PCTP: variants seen among roughly 807,000 people sequenced by gnomAD.
PCTP encodes the protein START domain-containing protein 2.
A neutral mutation model predicts 31.0 loss-of-function variants in PCTP; 27 were observed. The observed-to-expected ratio is 0.87, with a 90% CI of 0.64 to 1.20. The LOEUF (loss-of-function observed/expected upper bound fraction) is 1.20. Ranked by LOEUF, PCTP falls within the 50% of genes most tolerant of loss-of-function variation. PCTP has a pLI of 0.00. For missense variants in PCTP, 287 were observed against 268.2 expected, an observed-to-expected ratio of 1.07 and a Z score of -0.49; for synonymous variants, 108 against 101.2, an observed-to-expected ratio of 1.07 and a Z score of -0.40.
chr17:55,850,358 T>C, the PCTP span, among the ~76,000 whole-genome samples: 3 of 152,240 alleles, frequency 2.0e-5, no homozygotes, highest in Non-Finnish European at 4.4e-5. Context: ...CTTATTAAAC[T>C]GCTTTTTGTA....
chr17:55,803,485 C>G (rs1436153332), intron 3 of PCTP, among the ~76,000 whole-genome samples: 1 of 152,164 alleles, frequency 6.6e-6, no homozygotes, highest in Non-Finnish European at 1.5e-5. Flanking sequence ...GTAACCAAAA[C>G]AGCATGGTCC....
intron 3 of PCTP, among the ~76,000 whole-genome samples, chr17:55,811,931 T>C (rs974905767): frequency 7.9e-5 from 12 of 152,216 alleles, no homozygotes; most frequent in African/African-American, 2.9e-4. Flanking sequence ...GACCCAAACC[T>C]GAGTCCTGAT....
chr17:55,797,554 C>T (rs775715831), intron 3 of PCTP, among the ~76,000 whole-genome samples: 12 of 151,950 alleles, frequency 7.9e-5, no homozygotes, highest in Non-Finnish European at 1.5e-4. Context: ...TTTTAGGAGG[C>T]ACTTACTCAT....
At chr17:55,836,102 C>T (rs892849550) in intron 5 of PCTP, among the ~76,000 whole-genome samples, 11 of 152,184 alleles carry the variant, frequency 7.2e-5, no homozygotes, top group African/African-American at 2.4e-4. Flanking sequence ...TATAACATGA[C>T]CCAACCTTGT....
At chr17:55,804,863 A>C (rs890584037) in intron 3 of PCTP, among the ~76,000 whole-genome samples, 1 of 152,074 alleles carries the variant, frequency 6.6e-6, no homozygotes, top group Admixed American at 6.6e-5. Flanking sequence ...AAATTTAATA[A>C]AAAAAATTGA....
chr17:55,768,761 T>G (rs1212300509), intron 2 of PCTP: 1 of 152,100 alleles, frequency 6.6e-6, no homozygotes, highest in African/African-American at 2.4e-5. Flanking sequence ...AGGCTATCGG[T>G]CTTAGATTTT....
At chr17:55,768,108 T>A (rs1017064381) in intron 2 of PCTP, among the ~76,000 whole-genome samples, 1 of 151,276 alleles carries the variant, frequency 6.6e-6, no homozygotes, top group Non-Finnish European at 1.5e-5. Flanking sequence ...AAGTCTAATC[T>A]ATTTTTATTT....
intron 1 of PCTP, among the ~76,000 whole-genome samples, chr17:55,756,161 A>G (rs1324233341): frequency 6.6e-6 from 1 of 152,210 alleles, no homozygotes; most frequent in Admixed American, 6.5e-5. Flanking sequence ...TACTGTCTTC[A>G]TAGACCCTGG....
At chr17:55,819,010 C>CAGAAAAAAAAAAAAAAAAA (rs1913022511) in intron 3 of PCTP, among the ~76,000 whole-genome samples, 1 of 51,110 alleles carries the variant, frequency 2.0e-5, no homozygotes, top group African/African-American at 6.6e-5. Flanking sequence ...GGAAAGAAAT[C>CAGAAAAAAAAAAAAAAAAA]AAAAAAAAAA....
intron 3 of PCTP, among the ~76,000 whole-genome samples, chr17:55,813,919 G>C (rs1005917810): frequency 6.6e-6 from 1 of 152,110 alleles, no homozygotes; most frequent in African/African-American, 2.4e-5. Flanking sequence ...GCACATGCCT[G>C]TGGTTCCAGC....
intron 1 of PCTP, among the ~76,000 whole-genome samples, chr17:55,752,526 A>G (rs1909770317): frequency 6.6e-6 from 1 of 152,234 alleles, no homozygotes; most frequent in East Asian, 1.9e-4. Flanking sequence ...AATGGAGAAT[A>G]TAGGTATTAT....
intron 1 of PCTP, among the ~76,000 whole-genome samples, chr17:55,757,152 C>T (rs1910072171): frequency 6.6e-6 from 1 of 151,420 alleles, no homozygotes; most frequent in African/African-American, 2.4e-5. Flanking sequence ...TGTACACACA[C>T]AAAAGCATGC....
chr17:55,833,809 T>C (rs1372436314), intron 5 of PCTP, among the ~76,000 whole-genome samples: 2 of 152,170 alleles, frequency 1.3e-5, no homozygotes, highest in African/African-American at 4.8e-5. Flanking sequence ...GCCTCCTGCC[T>C]TTTTTTGCCG....
intron 5 of PCTP, among the ~76,000 whole-genome samples, chr17:55,831,231 C>T (rs1905585891): frequency 1.3e-5 from 2 of 152,222 alleles, no homozygotes; most frequent in South Asian, 2.1e-4. Context: ...GTCTCAGCTG[C>T]TCTCCTAACT....
chr17:55,822,653 C>T (rs1243433762), intron 3 of PCTP: 2 of 454,550 alleles, frequency 4.4e-6, no homozygotes, highest in Non-Finnish European at 7.2e-6. Context: ...AGAATTGCAT[C>T]CTTCCATGAC....
chr17:55,820,032 A>C (rs1281952326), intron 3 of PCTP, among the ~76,000 whole-genome samples: 1 of 152,238 alleles, frequency 6.6e-6, no homozygotes, highest in African/African-American at 2.4e-5. Context: ...AATAGATCAA[A>C]GACCTTAAAT....
At chr17:55,794,777 C>T (rs1259542201) in intron 3 of PCTP, among the ~76,000 whole-genome samples, 1 of 152,016 alleles carries the variant, frequency 6.6e-6, no homozygotes, top group Non-Finnish European at 1.5e-5. Context: ...CAAATTCCAG[C>T]TCCTGCCAAG....
In PCTP at chr17:55,766,625, T is replaced by C. The variant is rs1296480916; in HGVS notation, c.142-710T>C. ...TTTATGGCTGCATAGTATTCCATGG[T>C]GTATATGTGTCACATTTTCTTAATC... On this transcript the variant is annotated intron_variant, in intron 1 of 5. Coordinates refer to ENST00000268896, the MANE Select transcript of PCTP (RefSeq NM_021213.4). Among the ~76,000 whole-genome samples, 19 of 152,212 alleles carry C rather than the reference T, an allele frequency of 1.2e-4. No individual in the cohort carries two copies. In the East Asian group the frequency reaches 2.9e-3, roughly 23 times the overall value.
intron 2 of PCTP, among the ~76,000 whole-genome samples, chr17:55,768,436 C>A (rs1369655374): frequency 1.3e-5 from 2 of 152,112 alleles, no homozygotes; most frequent in Non-Finnish European, 2.9e-5. Flanking sequence ...AAGAGAGGGA[C>A]AGGATGACTG....
Sources: gnomAD v4.1 joint callset for allele counts (sites outside exome capture counted in the v4.1 genomes callset) on GRCh38, gnomAD v4.1.1 for gene constraint, MANE v1.5 for transcripts, NCBI Gene and HGNC (gene_info 2026-07-23, HGNC 2026-07-21) for gene names.